SLC38A9: variants seen among roughly 807,000 people sequenced by gnomAD.
SLC38A9 encodes neutral amino acid transporter 9.
Under a neutral mutation model 62.3 loss-of-function variants are expected in SLC38A9, and 48 were observed. That is an observed-to-expected ratio of 0.77 (90% confidence interval 0.61 to 0.98). SLC38A9 has a LOEUF of 0.98. SLC38A9 is among the 50% of genes least tolerant of loss of function. The pLI, the probability that SLC38A9 is intolerant of heterozygous loss-of-function variation, is 0.00. For synonymous variants in SLC38A9, 204 were observed against 227.7 expected (o/e 0.90, Z 0.94); for missense variants, 541 against 679.8 (o/e 0.80, Z 2.27).
intron 3 of SLC38A9, among the ~76,000 whole-genome samples, chr5:55,693,671 T>A (rs1215775431): frequency 3.3e-5 from 5 of 152,216 alleles, no homozygotes; most frequent in South Asian, 4.1e-4. Context: ...ATATGCCTCA[T>A]TTAATTCTTT....
At chr5:55,632,952 CT>C (rs1743754430) in intron 14 of SLC38A9, among the ~76,000 whole-genome samples, 1 of 152,130 alleles carries the variant, frequency 6.6e-6, no homozygotes, top group Non-Finnish European at 1.5e-5. Context: ...GGTCTTCTTT[CT>C]AAAGGCTCCC....
intron 8 of SLC38A9, among the ~76,000 whole-genome samples, chr5:55,661,053 A>G (rs1749434628): frequency 6.6e-6 from 1 of 151,364 alleles, no homozygotes; most frequent in Non-Finnish European, 1.5e-5. Flanking sequence ...AGTCCAAAAA[A>G]AAAGATACAC....
chr5:55,659,074 A>G (rs1156373460), intron 8 of SLC38A9, among the ~76,000 whole-genome samples: 1 of 152,210 alleles, frequency 6.6e-6, no homozygotes, highest in Non-Finnish European at 1.5e-5. Flanking sequence ...GATAAAATTC[A>G]ACCACTTTAA....
rs577013563 is a variant in SLC38A9 at position 55,672,946 on chromosome 5, G to A, written c.114-251C>T. ...TGTAATCTTCAGGAATTTAGCAACC[G>A]AGAAGACAAAACAGAAAGAACTTAA... On this transcript the variant is annotated intron_variant, in intron 3 of 15. Transcript: ENST00000396865. 3.6e-5 allele frequency: 13 copies of A among 363,678 alleles called. No individual in the cohort carries two copies. The South Asian group carries it at 7.8e-4, about 22-fold the overall frequency. The allele number at this position is 363,678 out of a possible 1,614,324, so 22.5% of individuals were successfully genotyped here.
In SLC38A9 at chr5:55,665,479, A is replaced by G. The variant is rs544895896; in HGVS notation, c.527-616T>C. Reference sequence around the variant, plus strand: ...TGAGAATTGTTTGAACCTGGGAGGCAGAGGTTGCAATGAGCTGAGATCATG... The same window carrying G: ...TGAGAATTGTTTGAACCTGGGAGGCGGAGGTTGCAATGAGCTGAGATCATG... On this transcript the variant is annotated intron_variant, in intron 7 of 15. Transcript: ENST00000396865. Among the ~76,000 whole-genome samples, 5 of 151,350 alleles carry G rather than the reference A, an allele frequency of 3.3e-5. No individual in the cohort carries two copies. In the South Asian group the frequency reaches 1.0e-3, roughly 32 times the overall value.
chr5:55,703,833 C>T (rs935901619), intron 2 of SLC38A9, among the ~76,000 whole-genome samples: 1 of 152,082 alleles, frequency 6.6e-6, no homozygotes, highest in Non-Finnish European at 1.5e-5. Flanking sequence ...AGATGATTCC[C>T]CAGATGTAAT....
chr5:55,695,864 C>A (rs1755450308), intron 3 of SLC38A9: 1 of 83,624 alleles, frequency 1.2e-5, no homozygotes, highest in African/African-American at 3.6e-5. Flanking sequence ...GCGCCCCTCA[C>A]CTCCCGGATG....
At chr5:55,650,939 G>C (rs1747279961) in intron 10 of SLC38A9, among the ~76,000 whole-genome samples, 1 of 151,532 alleles carries the variant, frequency 6.6e-6, no homozygotes, top group Non-Finnish European at 1.5e-5. Flanking sequence ...TTACAGGCAT[G>C]CGCCACCATG....
In SLC38A9 at chr5:55,650,709, C is replaced by G. The variant is rs75034753; in HGVS notation, c.953-1395G>C. On this transcript the variant is annotated intron_variant, in intron 10 of 15. Coordinates refer to ENST00000396865, the MANE Select transcript of SLC38A9 (RefSeq NM_173514.4). ...GAATCCTGTTCCTGAGGCAGACAGG[C>G]AAAGAGAAATAATTTTAACTTTTCC... Among the ~76,000 whole-genome samples, 859 of 152,280 alleles carry G rather than the reference C, an allele frequency of 5.6e-3. 9 individuals carry two copies. Among genetic ancestry groups the G allele is most frequent in the African/African-American group, 0.02 (834 of 41,564 alleles).
rs188835621 is a variant in SLC38A9, at chr5:55,647,720, T to C, written c.1060+1487A>G. Among the ~76,000 whole-genome samples the C allele has an allele frequency of 4.0e-3, 615 of 152,300 alleles. 6 individuals are homozygous for C. In the Middle Eastern group the frequency reaches 0.061, roughly 15 times the overall value. On this transcript the variant is annotated intron_variant, in intron 11 of 15. Transcript: ENST00000396865. ...TTCTAACTTGTCATATTACAGTGGG[T>C]AAATAGTCAGCTTTTTCCCATTAAC... is the stretch of plus-strand genomic sequence containing the variant.
chr5:55,647,759 C>A (rs1746649000), intron 11 of SLC38A9, among the ~76,000 whole-genome samples: 1 of 152,146 alleles, frequency 6.6e-6, no homozygotes. Flanking sequence ...CAAAAGCTAT[C>A]TTTTTGAGAA....
chr5:55,665,540 C>G (rs983005719), intron 7 of SLC38A9, among the ~76,000 whole-genome samples: 2 of 147,628 alleles, frequency 1.4e-5, no homozygotes. Context: ...AAGTGAGACT[C>G]CATCTCAAAA....
chr5:55,673,491 T>C (rs1224646175), intron 3 of SLC38A9: 2 of 152,184 alleles, frequency 1.3e-5, no homozygotes, highest in African/African-American at 4.8e-5. Flanking sequence ...ATCAAAAGAC[T>C]GTATCCCTCT....
intron 8 of SLC38A9, chr5:55,658,171 T>TTTTAA (rs1748798728): frequency 6.6e-6 from 1 of 151,874 alleles, no homozygotes; most frequent in East Asian, 1.9e-4. Context: ...TTTTATTTTA[T>TTTTAA]TTTAATTTTT....
chr5:55,672,722 A>G (rs1162656239), intron 3 of SLC38A9, 27 bp from the exon 4 acceptor site: 1 of 1,592,380 alleles, frequency 6.3e-7, no homozygotes, highest in East Asian at 2.2e-5. Context: ...CACTTGACAA[A>G]AAGTGTTCAG....
chr5:55,648,743 T>C (rs1047463451), intron 11 of SLC38A9, among the ~76,000 whole-genome samples: 8 of 152,162 alleles, frequency 5.3e-5, no homozygotes, highest in Admixed American at 3.3e-4. Flanking sequence ...TAAAACCACA[T>C]TGTACGTTCC....
At chr5:55,656,807 T>C (rs768158986) in intron 8 of SLC38A9, 33 bp from the exon 9 acceptor site, 36 of 1,124,214 alleles carry the variant, frequency 3.2e-5, no homozygotes, top group Non-Finnish European at 7.9e-6. Context: ...AGTTTAACAC[T>C]GAATGAAAGA....
chr5:55,695,937 G>A (rs1755484112), intron 3 of SLC38A9: 1 of 86,300 alleles, frequency 1.2e-5, no homozygotes, highest in Admixed American at 1.1e-4. Flanking sequence ...CGGCTGGCCG[G>A]GCAGAGGGGC....
intron 4 of SLC38A9, among the ~76,000 whole-genome samples, 176 bp downstream of exon 4, chr5:55,672,387 A>T (rs1182602209): frequency 2.0e-5 from 3 of 152,228 alleles, no homozygotes; most frequent in Non-Finnish European, 4.4e-5. Flanking sequence ...AATTTAGATA[A>T]GAATGAACTG....
Sources: allele counts gnomAD v4.1 joint callset (sites outside exome capture counted in the v4.1 genomes callset), GRCh38; gene constraint gnomAD v4.1.1; transcripts MANE v1.5; gene names NCBI Gene and HGNC (gene_info 2026-07-23, HGNC 2026-07-21).